The following PHKB variants were observed in gnomAD, a reference collection of about 807,000 sequenced individuals.
The protein encoded by PHKB is phosphorylase kinase regulatory subunit beta.
In PHKB, 122 loss-of-function variants were observed where a neutral mutation model predicts 152.1. The observed-to-expected ratio is 0.80, with a 90% CI of 0.69 to 0.93. The LOEUF (loss-of-function observed/expected upper bound fraction) is 0.93. PHKB is among the 40% of genes least tolerant of loss of function. The pLI, the probability that PHKB is intolerant of heterozygous loss-of-function variation, is 0.00. For missense variants in PHKB, 1,304 were observed against 1,328.4 expected, an observed-to-expected ratio of 0.98 and a Z score of 0.29; for synonymous variants, 436 against 464.9, an observed-to-expected ratio of 0.94 and a Z score of 0.80.
At chr16:47,514,587 G>C (rs1301809304) in intron 5 of PHKB, among the ~76,000 whole-genome samples, 1 of 152,178 alleles carries the variant, frequency 6.6e-6, no homozygotes, top group East Asian at 1.9e-4. Context: ...TTGAGAATAG[G>C]TCTTCCCCAC....
At chr16:47,522,517 T>G (rs1438712918) in intron 6 of PHKB, among the ~76,000 whole-genome samples, 1 of 151,826 alleles carries the variant, frequency 6.6e-6, no homozygotes, top group Admixed American at 6.5e-5. Context: ...TTTAAAATTA[T>G]TTTTCTCTTC....
At chr16:47,582,305 A>G (rs1244930169) in intron 8 of PHKB, among the ~76,000 whole-genome samples, 2 of 152,160 alleles carry the variant, frequency 1.3e-5, no homozygotes, top group East Asian at 1.9e-4. Flanking sequence ...ACCCCTTCCT[A>G]TTGTGTGTAT....
intron 1 of PHKB, 137 bp downstream of exon 1, chr16:47,461,563 C>T (rs1969557479): frequency 1.1e-6 from 1 of 873,750 alleles, no homozygotes; most frequent in East Asian, 2.6e-5. Context: ...CAGGTGGCGG[C>T]CCTGGCCTTG....
chr16:47,695,823 T>C (rs1465688603), intron 28 of PHKB, among the ~76,000 whole-genome samples: 1 of 152,252 alleles, frequency 6.6e-6, no homozygotes, highest in Non-Finnish European at 1.5e-5. Flanking sequence ...AATGGAAAAC[T>C]ACACAGTATT....
chr16:47,681,700 C>A (rs931032906), intron 26 of PHKB, among the ~76,000 whole-genome samples: 1 of 152,142 alleles, frequency 6.6e-6, no homozygotes, highest in Non-Finnish European at 1.5e-5. Flanking sequence ...ATACAGCACA[C>A]TGATGGGTCT....
chr16:47,488,309 T>A (rs1970084142), intron 1 of PHKB, among the ~76,000 whole-genome samples: 1 of 152,232 alleles, frequency 6.6e-6, no homozygotes, highest in Non-Finnish European at 1.5e-5. Context: ...CTTATTAATT[T>A]GTTTAAATTG....
intron 2 of PHKB, among the ~76,000 whole-genome samples, chr16:47,498,059 A>G (rs1970263031): frequency 6.6e-6 from 1 of 152,146 alleles, no homozygotes; most frequent in Non-Finnish European, 1.5e-5. Flanking sequence ...ATTAGAATGC[A>G]TATTAATCTT....
chr16:47,678,315 T>C (rs1279885385), intron 26 of PHKB, among the ~76,000 whole-genome samples: 1 of 152,214 alleles, frequency 6.6e-6, no homozygotes, highest in East Asian at 1.9e-4. Context: ...AAATGGTATT[T>C]CTAGTTCTAG....
intron 13 of PHKB, chr16:47,598,636 C>G (rs534788215): frequency 7.0e-7 from 1 of 1,434,168 alleles, no homozygotes; most frequent in Non-Finnish European, 9.8e-7. Context: ...CATCAACACA[C>G]CAAAGTCACT....
At chr16:47,546,745 A>T (rs1971174057) in intron 6 of PHKB, among the ~76,000 whole-genome samples, 1 of 151,984 alleles carries the variant, frequency 6.6e-6, no homozygotes, top group African/African-American at 2.4e-5. Flanking sequence ...GTCCTCCTTG[A>T]GCTGTGGTGG....
intron 17 of PHKB, 75 bp from the exon 18 acceptor site, chr16:47,649,025 T>C (rs1358936681): frequency 1.5e-5 from 12 of 817,190 alleles, no homozygotes; most frequent in Non-Finnish European, 2.6e-5. Flanking sequence ...TTTATTTTTA[T>C]TGAGACTTAC....
intron 1 of PHKB, among the ~76,000 whole-genome samples, chr16:47,465,532 A>G (rs1969653227): frequency 6.6e-6 from 1 of 152,218 alleles, no homozygotes; most frequent in African/African-American, 2.4e-5. Context: ...CTTTAGTGTT[A>G]TAATCCGTTT....
chr16:47,696,515 G>C (rs753239951), intron 29 of PHKB, 27 bp downstream of exon 29: 4 of 1,197,016 alleles, frequency 3.3e-6, no homozygotes. Context: ...GAAGATTGCT[G>C]AATAAATGCC....
intron 4 of PHKB, among the ~76,000 whole-genome samples, chr16:47,511,342 T>C (rs1970506663): frequency 6.6e-6 from 1 of 152,174 alleles, no homozygotes; most frequent in South Asian, 2.1e-4. Flanking sequence ...AAATCCTGTC[T>C]CACAACATAA....
At chr16:47,464,124 T>A (rs1969625760) in intron 1 of PHKB, 3 of 709,772 alleles carry the variant, frequency 4.2e-6, no homozygotes, top group African/African-American at 3.5e-5. Flanking sequence ...AGTACCCGGC[T>A]GGTGTTTTGT....
intron 8 of PHKB, among the ~76,000 whole-genome samples, chr16:47,586,443 T>G (rs549840759): frequency 3.3e-5 from 5 of 152,316 alleles, no homozygotes; most frequent in African/African-American, 1.2e-4. Context: ...ATTTATTAAT[T>G]TACTTGTCAG....
intron 14 of PHKB, among the ~76,000 whole-genome samples, chr16:47,635,860 A>G (rs1972910039): frequency 6.6e-6 from 1 of 152,256 alleles, no homozygotes; most frequent in Non-Finnish European, 1.5e-5. Flanking sequence ...TAATAGTTTG[A>G]TAAAGCACTT....
intron 1 of PHKB, among the ~76,000 whole-genome samples, chr16:47,477,221 T>C (rs1969883859): frequency 6.6e-6 from 1 of 152,212 alleles, no homozygotes; most frequent in South Asian, 2.1e-4. Flanking sequence ...CTTTTGGCTC[T>C]GATGTCACTG....
chr16:47,643,023 A>G (rs1257957537), intron 16 of PHKB, among the ~76,000 whole-genome samples: 1 of 152,200 alleles, frequency 6.6e-6, no homozygotes, highest in Admixed American at 6.5e-5. Context: ...AAAGCTCTAG[A>G]GAACGCCAAC....
Sources: allele counts gnomAD v4.1 joint callset (sites outside exome capture counted in the v4.1 genomes callset), GRCh38; gene constraint gnomAD v4.1.1; transcripts MANE v1.5; gene names NCBI Gene and HGNC (gene_info 2026-07-23, HGNC 2026-07-21).